The following ZC3H12B variants were observed in gnomAD, a reference collection of about 807,000 sequenced individuals.
ZC3H12B encodes the protein probable ribonuclease ZC3H12B.
In ZC3H12B, 7 loss-of-function variants were observed where a neutral mutation model predicts 43.9. That is an observed-to-expected ratio of 0.16 (90% CI 0.09 to 0.30). The LOEUF (loss-of-function observed/expected upper bound fraction) is 0.30, where lower values mean the gene tolerates loss of function less well. Ranked by LOEUF, ZC3H12B falls within the 10% of genes least tolerant of loss-of-function variation. ZC3H12B has a pLI of 1.00. For synonymous variants in ZC3H12B, 222 were observed against 241.7 expected (o/e 0.92, Z 0.76); for missense variants, 475 against 670.2 (o/e 0.71, Z 3.22).
At chrX:65,379,175 C>A (rs896963618) in intron 2 of ZC3H12B, among the ~76,000 whole-genome samples, 1 of 112,047 alleles carries the variant, frequency 8.9e-6, no homozygotes, top group African/African-American at 3.2e-5. Context: ...AACAAAAAGA[C>A]AACAGTAACC....
the ZC3H12B span, among the ~76,000 whole-genome samples, chrX:65,192,763 T>G: frequency 2.2e-4 from 19 of 87,771 alleles, no homozygotes; most frequent in Non-Finnish European, 3.5e-4. Context: ...TTATTGGGGA[T>G]TTTCCCAGAT....
At chrX:65,385,843 T>G (rs1306089279) in intron 2 of ZC3H12B, among the ~76,000 whole-genome samples, 3 of 112,189 alleles carry the variant, frequency 2.7e-5, no homozygotes, top group Non-Finnish European at 5.6e-5. Flanking sequence ...TATTGAGAGT[T>G]TTTAGCATGA....
chrX:65,228,523 G>A, the ZC3H12B span, among the ~76,000 whole-genome samples: 33 of 110,759 alleles, frequency 3.0e-4, no homozygotes, highest in Non-Finnish European at 6.2e-4. Context: ...AGTGTTGGAA[G>A]TTCTGGCCAG....
chrX:65,390,905 A>G (rs1391674966), intron 2 of ZC3H12B, among the ~76,000 whole-genome samples: 1 of 111,968 alleles, frequency 8.9e-6, no homozygotes, highest in Non-Finnish European at 1.9e-5. Flanking sequence ...AAAACTAGGA[A>G]TCAATAATAA....
At chrX:65,206,036 A>T in the ZC3H12B span, among the ~76,000 whole-genome samples, 1 of 111,809 alleles carries the variant, frequency 8.9e-6, no homozygotes, top group African/African-American at 3.2e-5. Flanking sequence ...AAATGGAAAC[A>T]CCATGCTCAT....
At chrX:65,465,160 C>G (rs2067801522) in intron 3 of ZC3H12B, among the ~76,000 whole-genome samples, 1 of 110,733 alleles carries the variant, frequency 9.0e-6, no homozygotes, top group Admixed American at 9.7e-5. Flanking sequence ...TATTATTAAT[C>G]TTCTGCTTAG....
chrX:65,427,622 C>A (rs1183227902), intron 3 of ZC3H12B, among the ~76,000 whole-genome samples: 4 of 111,503 alleles, frequency 3.6e-5, no homozygotes, highest in Non-Finnish European at 7.5e-5. Flanking sequence ...AGCCACCACA[C>A]CCAGCCCCAT....
the ZC3H12B span, among the ~76,000 whole-genome samples, chrX:65,100,967 T>C: frequency 9.0e-6 from 1 of 111,730 alleles, no homozygotes; most frequent in African/African-American, 3.3e-5. Context: ...ACATAGCAGT[T>C]ACTCTAAAAT....
At chrX:65,338,969 C>T in the ZC3H12B span, among the ~76,000 whole-genome samples, 4 of 112,008 alleles carry the variant, frequency 3.6e-5, no homozygotes, top group African/African-American at 6.5e-5. Context: ...CAAGAATGCC[C>T]GCACTTTTAC....
At chrX:65,096,354 A>G in the ZC3H12B span, among the ~76,000 whole-genome samples, 2 of 111,627 alleles carry the variant, frequency 1.8e-5, no homozygotes, top group African/African-American at 6.5e-5. Context: ...CGTCCTGCAC[A>G]TGTACCCCAG....
chrX:65,266,477 G>C, the ZC3H12B span, among the ~76,000 whole-genome samples: 1 of 112,069 alleles, frequency 8.9e-6, no homozygotes, highest in African/African-American at 3.2e-5. Flanking sequence ...CAACTGATGA[G>C]CTGAAGATAA....
chrX:65,112,516 T>A, the ZC3H12B span, among the ~76,000 whole-genome samples: 1 of 112,125 alleles, frequency 8.9e-6, no homozygotes, highest in Non-Finnish European at 1.9e-5. Context: ...AGGCTGACTC[T>A]CTTGTTAGGG....
At chrX:65,225,254 C>A in the ZC3H12B span, among the ~76,000 whole-genome samples, 2 of 112,306 alleles carry the variant, frequency 1.8e-5, no homozygotes, top group African/African-American at 6.5e-5. Context: ...CTGCTGACAC[C>A]CAGGCAAACA....
chrX:65,112,422 G>T, the ZC3H12B span, among the ~76,000 whole-genome samples: 17 of 103,432 alleles, frequency 1.6e-4, no homozygotes, highest in Admixed American at 8.7e-4. Flanking sequence ...GGTTACAATA[G>T]ACAGCAGATT....
the ZC3H12B span, among the ~76,000 whole-genome samples, chrX:65,297,920 G>T: frequency 1.8e-5 from 2 of 111,758 alleles, no homozygotes; most frequent in South Asian, 3.7e-4. Context: ...TCAGCAAAGG[G>T]TGCTGGGATA....
the ZC3H12B span, among the ~76,000 whole-genome samples, chrX:65,335,068 GTTAT>G: frequency 9.0e-6 from 1 of 111,477 alleles, no homozygotes; most frequent in Non-Finnish European, 1.9e-5. Flanking sequence ...TTCCTACCTA[GTTAT>G]TATACATGAA....
the ZC3H12B span, among the ~76,000 whole-genome samples, chrX:65,188,271 G>C: frequency 9.0e-6 from 1 of 111,120 alleles, no homozygotes; most frequent in Non-Finnish European, 1.9e-5. Context: ...AATAAACACA[G>C]GAGTGCAGCT....
At chrX:65,371,608 C>A (rs750708967) in intron 2 of ZC3H12B, among the ~76,000 whole-genome samples, 1 of 111,969 alleles carries the variant, frequency 8.9e-6, no homozygotes, top group Non-Finnish European at 1.9e-5. Flanking sequence ...TTAAAAAATT[C>A]TTCAGACTTG....
At chrX:65,220,588 G>T in the ZC3H12B span, among the ~76,000 whole-genome samples, 1 of 111,779 alleles carries the variant, frequency 8.9e-6, no homozygotes. Context: ...AGCAACAGCA[G>T]ATAAAAAAGA....
Sources: allele counts gnomAD v4.1 joint callset (sites outside exome capture counted in the v4.1 genomes callset), GRCh38; gene constraint gnomAD v4.1.1; transcripts MANE v1.5; gene names NCBI Gene and HGNC (gene_info 2026-07-23, HGNC 2026-07-21).